Variants in LRFN2 observed in about 807,000 individuals in gnomAD.
LRFN2 encodes leucine rich repeat and fibronectin type III domain containing 2, also known as leucine-rich repeat and fibronectin type-III domain-containing protein 2.
LRFN2 carries 18 observed loss-of-function variants against 37.3 expected under a neutral mutation model. The ratio of observed to expected loss-of-function variants is 0.48; its 90% CI spans 0.33 to 0.72. The LOEUF (loss-of-function observed/expected upper bound fraction) is 0.72, where lower values mean the gene tolerates loss of function less well. LRFN2 is among the 30% of genes least tolerant of loss of function. The pLI is 0.02. For synonymous variants in LRFN2, 556 were observed against 466.6 expected, an observed-to-expected ratio of 1.19 and a Z score of -2.47; for missense variants, 1,006 against 1,060.7, an observed-to-expected ratio of 0.95 and a Z score of 0.72.
chr6:40,453,896 A>G (rs1764176963), intron 1 of LRFN2, among the ~76,000 whole-genome samples: 2 of 152,138 alleles, frequency 1.3e-5, no homozygotes, highest in Admixed American at 1.3e-4. Context: ...CCATTGTCTC[A>G]TCAGATTCAA....
chr6:40,546,476 A>C (rs1040722391), intron 1 of LRFN2, among the ~76,000 whole-genome samples: 1 of 152,198 alleles, frequency 6.6e-6, no homozygotes, highest in Non-Finnish European at 1.5e-5. Flanking sequence ...AGCTGGGCTC[A>C]AGTCCTAAAC....
intron 1 of LRFN2, among the ~76,000 whole-genome samples, chr6:40,513,125 G>A (rs916057066): frequency 2.0e-5 from 3 of 152,210 alleles, no homozygotes; most frequent in African/African-American, 7.2e-5. Context: ...GGGAGGCAGG[G>A]TGTGGCAGCT....
intron 1 of LRFN2, among the ~76,000 whole-genome samples, chr6:40,436,270 T>A (rs141237869): frequency 3.3e-4 from 51 of 152,356 alleles, no homozygotes; most frequent in African/African-American, 1.2e-3. Context: ...TGCTGTGAAC[T>A]GTAGCTCACA....
At chr6:40,479,668 G>A (rs1233049217) in intron 1 of LRFN2, among the ~76,000 whole-genome samples, 1 of 152,206 alleles carries the variant, frequency 6.6e-6, no homozygotes, top group Non-Finnish European at 1.5e-5. Context: ...TTCTAGATAA[G>A]CAAGCTGAGA....
At chr6:40,453,222 G>C (rs1764154828) in intron 1 of LRFN2, among the ~76,000 whole-genome samples, 1 of 152,076 alleles carries the variant, frequency 6.6e-6, no homozygotes, top group Non-Finnish European at 1.5e-5. Context: ...ATGTCAATAC[G>C]GTTGGAAGGA....
intron 1 of LRFN2, among the ~76,000 whole-genome samples, chr6:40,512,401 T>G (rs1449198648): frequency 6.6e-6 from 1 of 152,186 alleles, no homozygotes; most frequent in Non-Finnish European, 1.5e-5. Context: ...GCAGCGATAT[T>G]TCTTTCTTAG....
At chr6:40,530,721 A>G (rs1333823522) in intron 1 of LRFN2, among the ~76,000 whole-genome samples, 1 of 151,960 alleles carries the variant, frequency 6.6e-6, no homozygotes. Flanking sequence ...TGCCCGCTCT[A>G]CTGATGGCCC....
At chr6:40,396,728 G>A (rs1003758158) in intron 2 of LRFN2, among the ~76,000 whole-genome samples, 2 of 134,282 alleles carry the variant, frequency 1.5e-5, no homozygotes, top group Admixed American at 1.6e-4. Flanking sequence ...GTGTGTGTGT[G>A]TGTATGTGTG....
At chr6:40,474,007 C>T (rs556800742) in intron 1 of LRFN2, among the ~76,000 whole-genome samples, 1 of 152,290 alleles carries the variant, frequency 6.6e-6, no homozygotes, top group East Asian at 1.9e-4. Flanking sequence ...TCCTGGCACA[C>T]AGCAGGAACA....
chr6:40,484,780 C>T (rs1581741300), intron 1 of LRFN2, among the ~76,000 whole-genome samples: 1 of 152,216 alleles, frequency 6.6e-6, no homozygotes, highest in East Asian at 1.9e-4. Flanking sequence ...ATCCTTCTCT[C>T]AGAGGAATGC....
At chr6:40,586,739 T>A (rs67520619) in intron 1 of LRFN2, among the ~76,000 whole-genome samples, 1 of 151,590 alleles carries the variant, frequency 6.6e-6, no homozygotes. Context: ...AAATAAAGAC[T>A]AAAGAAAGGA....
chr6:40,451,500 C>T (rs988992392), intron 1 of LRFN2, among the ~76,000 whole-genome samples: 6 of 152,206 alleles, frequency 3.9e-5, no homozygotes, highest in Admixed American at 3.9e-4. Context: ...AGCTCTTCCC[C>T]TGGGGGAAGC....
chr6:40,525,176 G>T (rs548458690), intron 1 of LRFN2, among the ~76,000 whole-genome samples: 1 of 152,254 alleles, frequency 6.6e-6, no homozygotes, highest in East Asian at 1.9e-4. Context: ...GGCCATGCTG[G>T]TGATTCCAGG....
At chr6:40,499,901 G>A (rs951308815) in intron 1 of LRFN2, among the ~76,000 whole-genome samples, 2 of 152,200 alleles carry the variant, frequency 1.3e-5, no homozygotes, top group Non-Finnish European at 2.9e-5. Flanking sequence ...TGGAAAATGG[G>A]AAGAACAGCA....
intron 1 of LRFN2, among the ~76,000 whole-genome samples, chr6:40,455,576 A>G (rs897404250): frequency 1.3e-5 from 2 of 152,226 alleles, no homozygotes; most frequent in Non-Finnish European, 2.9e-5. Flanking sequence ...AGGGCTCTCA[A>G]ACAAGCCAGC....
At chr6:40,433,832 T>C (rs921076916) in intron 1 of LRFN2, among the ~76,000 whole-genome samples, 1 of 152,086 alleles carries the variant, frequency 6.6e-6, no homozygotes, top group Non-Finnish European at 1.5e-5. Flanking sequence ...AAGGAGTGAA[T>C]TCTGAACCCT....
At chr6:40,425,593 T>C (rs1168360797) in intron 2 of LRFN2, among the ~76,000 whole-genome samples, 1 of 152,212 alleles carries the variant, frequency 6.6e-6, no homozygotes, top group Non-Finnish European at 1.5e-5. Flanking sequence ...TCTCTCCCCT[T>C]TGTTGCTGTC....
chr6:40,536,457 A>C (rs1766450179), intron 1 of LRFN2, among the ~76,000 whole-genome samples: 1 of 152,240 alleles, frequency 6.6e-6, no homozygotes, highest in African/African-American at 2.4e-5. Flanking sequence ...GTGTGACTTA[A>C]CAGAATGACA....
At chr6:40,519,966 G>A (rs1334112900) in intron 1 of LRFN2, among the ~76,000 whole-genome samples, 1 of 152,198 alleles carries the variant, frequency 6.6e-6, no homozygotes, top group Non-Finnish European at 1.5e-5. Flanking sequence ...GGCATTTCAG[G>A]CAGAGGGAAC....
Sources: gnomAD v4.1 joint callset for allele counts (sites outside exome capture counted in the v4.1 genomes callset) on GRCh38, gnomAD v4.1.1 for gene constraint, MANE v1.5 for transcripts, NCBI Gene and HGNC (gene_info 2026-07-23, HGNC 2026-07-21) for gene names.